The following XPNPEP1 variants were observed in gnomAD, a reference collection of about 807,000 sequenced individuals.
XPNPEP1 encodes the protein xaa-Pro aminopeptidase 1.
A neutral mutation model predicts 92.4 loss-of-function variants in XPNPEP1; 39 were observed. The ratio of observed to expected loss-of-function variants is 0.42; its 90% confidence interval spans 0.33 to 0.55. The LOEUF (loss-of-function observed/expected upper bound fraction) is 0.55, where lower values mean the gene tolerates loss of function less well. Among genes scored for constraint, XPNPEP1 ranks in the 20% least tolerant of loss-of-function variants. XPNPEP1 has a pLI of 0.08. For missense variants in XPNPEP1, 654 were observed against 856.1 expected (o/e 0.76, Z 2.95); for synonymous variants, 307 against 299.4 (o/e 1.03, Z -0.26).
chr10:109,879,425 C>T (rs1415006342), intron 12 of XPNPEP1, among the ~76,000 whole-genome samples: 1 of 151,814 alleles, frequency 6.6e-6, no homozygotes, highest in African/African-American at 2.4e-5. Context: ...CGAAAATTAG[C>T]CAGGCGCAGT....
chr10:109,907,811 G>A lies in XPNPEP1; in HGVS notation c.126C>T (p.Gly42=), dbSNP rs377084746. 108 of 1,613,934 alleles carry A rather than the reference G, an allele frequency of 6.7e-5. No individual in the cohort carries two copies. Among genetic ancestry groups the A allele is most frequent in the Admixed American group, 6.7e-5 (4 of 59,976 alleles). ...HSGDTGVETD[G]RMPPKVTSEL... ...CTGAAGTCACCTTTGGAGGCATTCT[G>A]CCGTCTGCAACAACAGGAGAGCAAA... The change falls in exon 3 of 21, where the codon GGC becomes GGT. Residue 42 remains glycine (G), a synonymous_variant. Transcript: ENST00000502935.
At chr10:109,889,893 TGA>T (rs1243982842) in intron 5 of XPNPEP1, among the ~76,000 whole-genome samples, 1 of 152,216 alleles carries the variant, frequency 6.6e-6, no homozygotes. Flanking sequence ...AAGCTGACAT[TGA>T]GTTTCATTCT....
Position 109,864,999 on chromosome 10 carries a change from A to G in XPNPEP1, c.*185T>C. 1 of 880,084 alleles carries G rather than the reference A, an allele frequency of 1.1e-6. No individual in the cohort carries two copies. The highest frequency in any genetic ancestry group is 1.7e-6 in the Non-Finnish European group (1 of 598,806). 54.5% of individuals were successfully genotyped at this position (880,084 alleles called of 1,614,324 possible). On this transcript the variant is annotated 3_prime_UTR_variant, in exon 21 of 21. Transcript: ENST00000502935. ...GCTTGTTCTCAACAATTAAAAAATC[A>G]TAAAAGACTGAGTGTTTGCAATAAA... is the stretch of plus-strand genomic sequence containing the variant.
At chr10:109,922,049 C>T (rs926270625) in intron 1 of XPNPEP1, among the ~76,000 whole-genome samples, 2 of 152,166 alleles carry the variant, frequency 1.3e-5, no homozygotes, top group Non-Finnish European at 1.5e-5. Context: ...GTGGTGCTCC[C>T]GGATTCAGCC....
chr10:109,873,882 A>G (rs894037370), intron 15 of XPNPEP1, among the ~76,000 whole-genome samples: 3 of 152,238 alleles, frequency 2.0e-5, no homozygotes, highest in African/African-American at 7.2e-5. Context: ...AGCCAGACAC[A>G]GAAAGCCATA....
At chr10:109,874,402 C>T (rs953386019) in intron 15 of XPNPEP1, among the ~76,000 whole-genome samples, 1 of 152,168 alleles carries the variant, frequency 6.6e-6, no homozygotes, top group African/African-American at 2.4e-5. Flanking sequence ...TAAAAATATC[C>T]AAGTACATAT....
At chr10:109,877,917 T>C (rs899863349) in intron 13 of XPNPEP1, 50 bp from the exon 14 acceptor site, 2 of 1,614,030 alleles carry the variant, frequency 1.2e-6, no homozygotes, top group East Asian at 2.2e-5. Flanking sequence ...TTTACTGTGC[T>C]AAGATTCAGG....
intron 2 of XPNPEP1, among the ~76,000 whole-genome samples, chr10:109,912,232 C>A (rs1849917331): frequency 6.6e-6 from 1 of 152,216 alleles, no homozygotes; most frequent in Admixed American, 6.5e-5. Context: ...CTTCCTACTT[C>A]CTCATCCTTC....
intron 3 of XPNPEP1, among the ~76,000 whole-genome samples, chr10:109,899,334 A>G (rs1181587715): frequency 6.6e-6 from 1 of 152,158 alleles, no homozygotes; most frequent in East Asian, 1.9e-4. Flanking sequence ...GCTCTAACAA[A>G]TGAGTGTGCC....
At chr10:109,877,910 A>C (rs780483694) in intron 13 of XPNPEP1, 43 bp from the exon 14 acceptor site, 39 of 1,614,052 alleles carry the variant, frequency 2.4e-5, no homozygotes, top group Non-Finnish European at 3.1e-5. Context: ...AAAGGTTTTT[A>C]CTGTGCTAAG....
chr10:109,921,334 C>T (rs535313040), intron 1 of XPNPEP1, among the ~76,000 whole-genome samples: 98 of 151,634 alleles, frequency 6.5e-4, no homozygotes, highest in Non-Finnish European at 1.1e-3. Flanking sequence ...GTGCTCCTAC[C>T]CTTCCCAGAA....
chr10:109,923,327 G>T, intron 1 of XPNPEP1, 75 bp downstream of exon 1: 1 of 1,356,534 alleles, frequency 7.4e-7, no homozygotes. Flanking sequence ...CCTGCCCGCC[G>T]AGGTGCAACA....
chr10:109,903,271 T>C (rs969602458), intron 3 of XPNPEP1, among the ~76,000 whole-genome samples: 1 of 152,244 alleles, frequency 6.6e-6, no homozygotes, highest in Non-Finnish European at 1.5e-5. Context: ...CGAATCTTTC[T>C]GTACACTGAG....
chr10:109,892,573 TAAGCC>T (rs1333254548), intron 4 of XPNPEP1: 1 of 169,206 alleles, frequency 5.9e-6, no homozygotes, highest in Non-Finnish European at 1.3e-5. Flanking sequence ...CTTTGTTATT[TAAGCC>T]AAGAGTGAAA....
chr10:109,879,518 C>T (rs907737540), intron 12 of XPNPEP1, among the ~76,000 whole-genome samples: 1 of 151,426 alleles, frequency 6.6e-6, no homozygotes, highest in Admixed American at 6.6e-5. Context: ...TGCAGTGAGC[C>T]GAGATCACAC....
At chr10:109,871,291 G>A (rs1416050571) in intron 17 of XPNPEP1, among the ~76,000 whole-genome samples, 2 of 152,176 alleles carry the variant, frequency 1.3e-5, no homozygotes, top group African/African-American at 2.4e-5. Flanking sequence ...AGGGAGATGA[G>A]TACATGTCTA....
chr10:109,875,459 C>G, intron 15 of XPNPEP1, 69 bp downstream of exon 15: 1 of 1,456,694 alleles, frequency 6.9e-7, no homozygotes, highest in Non-Finnish European at 9.6e-7. Context: ...TCAGCTGGAG[C>G]TCAGCTGTCC....
chr10:109,870,592 A>G, intron 18 of XPNPEP1, 139 bp downstream of exon 18: 1 of 1,094,722 alleles, frequency 9.1e-7, no homozygotes, highest in South Asian at 1.7e-5. Context: ...AACATGTATC[A>G]GTTCTATAAT....
At chr10:109,916,823 T>C (rs921534348) in intron 1 of XPNPEP1, among the ~76,000 whole-genome samples, 3 of 152,128 alleles carry the variant, frequency 2.0e-5, no homozygotes, top group African/African-American at 4.8e-5. Context: ...TGGCTCAATA[T>C]ATGAAAAATC....
Sources: allele counts gnomAD v4.1 joint callset (sites outside exome capture counted in the v4.1 genomes callset), GRCh38; gene constraint gnomAD v4.1.1; transcripts MANE v1.5; gene names NCBI Gene and HGNC (gene_info 2026-07-23, HGNC 2026-07-21).